Variants in SHISA9 observed in about 807,000 individuals in gnomAD.
SHISA9 encodes the protein protein shisa-9.
SHISA9 carries 13 observed loss-of-function variants against 38.0 expected under a neutral mutation model. That is an observed-to-expected ratio of 0.34 (90% confidence interval 0.22 to 0.54). SHISA9 has a LOEUF of 0.54. SHISA9 is among the 20% of genes least tolerant of loss of function. The pLI is 0.91. For synonymous variants in SHISA9, 275 were observed against 242.0 expected, an observed-to-expected ratio of 1.14 and a Z score of -1.27; for missense variants, 538 against 575.8, an observed-to-expected ratio of 0.93 and a Z score of 0.67.
At chr16:13,556,111 T>A in the SHISA9 span, among the ~76,000 whole-genome samples, 24 of 152,308 alleles carry the variant, frequency 1.6e-4, no homozygotes, top group East Asian at 4.4e-3. Context: ...CTTTCAAATC[T>A]CCCTGAGTTC....
chr16:13,393,526 G>A, the SHISA9 span, among the ~76,000 whole-genome samples: 2 of 152,312 alleles, frequency 1.3e-5, no homozygotes, highest in East Asian at 1.9e-4. Context: ...TCTGTTATTT[G>A]TAGGGATTTG....
the SHISA9 span, among the ~76,000 whole-genome samples, chr16:13,470,289 C>T: frequency 3.3e-5 from 5 of 152,164 alleles, no homozygotes; most frequent in African/African-American, 4.8e-5. Flanking sequence ...GGTAGAGAAA[C>T]TCTAATTTCG....
intron 2 of SHISA9, among the ~76,000 whole-genome samples, chr16:12,925,089 G>A (rs1318789217): frequency 6.6e-6 from 1 of 152,204 alleles, no homozygotes; most frequent in African/African-American, 2.4e-5. Flanking sequence ...AAATCGGCAT[G>A]AATTCATTGT....
At chr16:13,263,773 G>C in the SHISA9 span, among the ~76,000 whole-genome samples, 86,225 of 152,034 alleles carry the variant, frequency 0.57, 25,069 homozygotes, top group African/African-American at 0.68. Flanking sequence ...TTATTGTGTA[G>C]TATAGTTATG....
intron 2 of SHISA9, among the ~76,000 whole-genome samples, chr16:13,028,245 G>T (rs1178199588): frequency 6.6e-6 from 1 of 152,154 alleles, no homozygotes; most frequent in Non-Finnish European, 1.5e-5. Flanking sequence ...GAAGAAATCT[G>T]CCTCTATCAT....
intron 2 of SHISA9, among the ~76,000 whole-genome samples, chr16:13,080,356 G>A (rs2073634309): frequency 6.6e-6 from 1 of 152,170 alleles, no homozygotes; most frequent in Admixed American, 6.5e-5. Flanking sequence ...CTGGGCGATA[G>A]AGTGAGACTC....
At chr16:13,118,459 G>C (rs1483416741) in intron 2 of SHISA9, among the ~76,000 whole-genome samples, 4 of 152,212 alleles carry the variant, frequency 2.6e-5, no homozygotes, top group African/African-American at 9.7e-5. Flanking sequence ...AGAACAGGCA[G>C]TCATTCTTGT....
At chr16:13,485,877 G>A in the SHISA9 span, among the ~76,000 whole-genome samples, 2 of 152,322 alleles carry the variant, frequency 1.3e-5, no homozygotes, top group African/African-American at 2.4e-5. Flanking sequence ...GTATATGAGT[G>A]AGAATCTGAG....
intron 2 of SHISA9, among the ~76,000 whole-genome samples, chr16:12,918,131 A>G (rs2071282097): frequency 6.6e-6 from 1 of 152,238 alleles, no homozygotes; most frequent in African/African-American, 2.4e-5. Context: ...TATGAGAAAT[A>G]GCAACATTTT....
the SHISA9 span, among the ~76,000 whole-genome samples, chr16:13,324,619 G>A: frequency 1.3e-5 from 2 of 152,188 alleles, no homozygotes; most frequent in South Asian, 4.2e-4. Flanking sequence ...TGACGATTAT[G>A]TGAGTCAGGG....
At chr16:13,129,383 C>T (rs2050288275) in intron 2 of SHISA9, among the ~76,000 whole-genome samples, 1 of 152,194 alleles carries the variant, frequency 6.6e-6, no homozygotes, top group African/African-American at 2.4e-5. Context: ...TTCTTGGAGT[C>T]CTCCTCTAGG....
chr16:13,369,798 CAG>C, the SHISA9 span, among the ~76,000 whole-genome samples: 1 of 152,222 alleles, frequency 6.6e-6, no homozygotes, highest in African/African-American at 2.4e-5. Flanking sequence ...ACTGAGCTCA[CAG>C]GGGCTAGCCG....
At chr16:13,388,470 C>A in the SHISA9 span, among the ~76,000 whole-genome samples, 1 of 152,040 alleles carries the variant, frequency 6.6e-6, no homozygotes, top group Non-Finnish European at 1.5e-5. Flanking sequence ...CACCACCATG[C>A]CCAGCTAATT....
At chr16:12,909,084 C>T (rs1028721032) in intron 1 of SHISA9, 3 of 988,992 alleles carry the variant, frequency 3.0e-6, no homozygotes, top group Non-Finnish European at 2.4e-6. Flanking sequence ...AGGCTTTGAC[C>T]AGCTTCCCAG....
the SHISA9 span, among the ~76,000 whole-genome samples, chr16:13,473,333 T>TTTTC: frequency 1.8e-4 from 27 of 149,034 alleles, no homozygotes; most frequent in African/African-American, 5.4e-4. Context: ...TTACTTTTTC[T>TTTTC]TTTCTTTCTT....
chr16:13,345,880 T>C, the SHISA9 span, among the ~76,000 whole-genome samples: 1 of 152,218 alleles, frequency 6.6e-6, no homozygotes, highest in Non-Finnish European at 1.5e-5. Flanking sequence ...CCTATGATTG[T>C]TGGCCTCATA....
chr16:13,067,906 G>A (rs2073453200), intron 2 of SHISA9, among the ~76,000 whole-genome samples: 1 of 152,186 alleles, frequency 6.6e-6, no homozygotes, highest in Non-Finnish European at 1.5e-5. Flanking sequence ...GATCTCACTT[G>A]AGATGTCACT....
At chr16:13,313,541 G>A in the SHISA9 span, among the ~76,000 whole-genome samples, 10 of 152,166 alleles carry the variant, frequency 6.6e-5, no homozygotes, top group Non-Finnish European at 1.3e-4. Flanking sequence ...TGCTTAAAAA[G>A]TGGTTCCCAA....
the SHISA9 span, among the ~76,000 whole-genome samples, chr16:13,287,170 C>T: frequency 1.3e-5 from 2 of 152,104 alleles, no homozygotes; most frequent in African/African-American, 4.8e-5. Context: ...ATGATCTACG[C>T]TATCACATAA....
Sources: allele counts gnomAD v4.1 joint callset (sites outside exome capture counted in the v4.1 genomes callset), GRCh38; gene constraint gnomAD v4.1.1; transcripts MANE v1.5; gene names NCBI Gene and HGNC (gene_info 2026-07-23, HGNC 2026-07-21).